Variants in NTRK2 observed in about 807,000 individuals in gnomAD.
NTRK2 encodes the protein neurotrophic receptor tyrosine kinase 2.
In NTRK2, 13 loss-of-function variants were observed where a neutral mutation model predicts 94.5. The ratio of observed to expected loss-of-function variants is 0.14; its 90% CI spans 0.09 to 0.22. NTRK2 has a LOEUF of 0.22. Among genes scored for constraint, NTRK2 ranks in the 10% least tolerant of loss-of-function variants. NTRK2 has a pLI of 1.00. For missense variants in NTRK2, 639 were observed against 1,071.2 expected, an observed-to-expected ratio of 0.60 and a Z score of 5.63; for synonymous variants, 372 against 407.4, an observed-to-expected ratio of 0.91 and a Z score of 1.05.
chr9:84,955,267 C>T lies in NTRK2; in HGVS notation c.1938-16C>T, dbSNP rs1459630917. 2 of 1,581,328 alleles carry T rather than the reference C, an allele frequency of 1.3e-6. No individual in the cohort carries two copies. The highest frequency in any genetic ancestry group is 8.6e-7 in the Non-Finnish European group (1 of 1,162,746). On this transcript the variant is annotated splice_polypyrimidine_tract_variant and intron_variant, in intron 16 of 18. Coordinates refer to ENST00000277120, the MANE Select transcript of NTRK2 (RefSeq NM_006180.6). ...ATGCTGAGGCCCCCAGCTTCATTCT[C>T]CATGTCCTTCCCCAGGGCACACGGC... is the stretch of plus-strand genomic sequence containing the variant.
In NTRK2 at chr9:85,024,499, T is replaced by C. The variant is rs1455481916; in HGVS notation, c.*3062T>C. 1 of 232,464 alleles carries C rather than the reference T, an allele frequency of 4.3e-6. No individual in the cohort carries two copies. The highest frequency in any genetic ancestry group is 8.5e-6 in the Non-Finnish European group (1 of 117,806). The allele number at this position is 232,464 out of a possible 1,614,324, so 14.4% of individuals were successfully genotyped here. On this transcript the variant is annotated 3_prime_UTR_variant, in exon 19 of 19. Transcript: ENST00000277120. The stretch of plus-strand genomic sequence containing the variant: ...TCCTATTTTGTGTAGATGAGGACGT[T>C]GAGACTCAGAGACATTCAGAGGCAC...
intron 12 of NTRK2, among the ~76,000 whole-genome samples, chr9:84,778,164 G>A (rs1001367302): frequency 6.6e-6 from 1 of 152,262 alleles, no homozygotes; most frequent in East Asian, 1.9e-4. Flanking sequence ...TTAGGGGACT[G>A]GGGTGAGAGA....
In NTRK2 at chr9:84,670,735, A is replaced by T; in HGVS notation, c.-14A>T. 1 of 1,611,350 alleles carries T rather than the reference A, an allele frequency of 6.2e-7. No homozygotes were observed. Among genetic ancestry groups the T allele is most frequent in the South Asian group, 1.1e-5 (1 of 90,998 alleles). On this transcript the variant is annotated 5_prime_UTR_variant, in exon 2 of 19. Coordinates refer to ENST00000277120, the MANE Select transcript of NTRK2 (RefSeq NM_006180.6). ...CGCGGGGACAGGCACTCGGGCTGGC[A>T]CTGGCTGCTAGGGATGTCGTCCTGG...
chr9:84,670,311 A>C, intron 1 of NTRK2, 66 bp from the exon 2 acceptor site: 1 of 283,608 alleles, frequency 3.5e-6, no homozygotes, highest in Non-Finnish European at 6.6e-6. Flanking sequence ...GCAGAGAGGG[A>C]GAGTGCCCCA....
chr9:85,004,054 AG>A, intron 17 of NTRK2, among the ~76,000 whole-genome samples: 1 of 64,240 alleles, frequency 1.6e-5, no homozygotes, highest in Admixed American at 1.5e-4. Context: ...AGGGAGAAAG[AG>A]AAAGAAAGGA....
chr9:84,900,659 T>C (rs905470659), intron 14 of NTRK2, among the ~76,000 whole-genome samples: 2 of 152,218 alleles, frequency 1.3e-5, no homozygotes, highest in African/African-American at 2.4e-5. Flanking sequence ...CTTGTGAGTC[T>C]AACTGTAAAT....
At chr9:84,692,505 TTG>T (rs1209187172) in intron 2 of NTRK2, among the ~76,000 whole-genome samples, 2 of 149,422 alleles carry the variant, frequency 1.3e-5, no homozygotes, top group East Asian at 3.9e-4. Context: ...GAGTCTCACT[TTG>T]CCTCCCAGGC....
At chr9:84,946,035 C>T (rs748204842) in intron 15 of NTRK2, among the ~76,000 whole-genome samples, 1 of 152,146 alleles carries the variant, frequency 6.6e-6, no homozygotes, top group African/African-American at 2.4e-5. Context: ...AGAGAAGCAC[C>T]GAGGCCGTGA....
intron 6 of NTRK2, among the ~76,000 whole-genome samples, chr9:84,722,542 G>A (rs1044188524): frequency 2.6e-5 from 4 of 152,110 alleles, no homozygotes; most frequent in Admixed American, 6.5e-5. Flanking sequence ...ATGTATCATA[G>A]TTCTTCAAGA....
intron 17 of NTRK2, among the ~76,000 whole-genome samples, chr9:84,963,395 G>C (rs1261730539): frequency 6.6e-6 from 1 of 152,184 alleles, no homozygotes; most frequent in Admixed American, 6.5e-5. Flanking sequence ...TATGCATCAT[G>C]ATAACATCTG....
At chr9:84,898,052 G>T (rs1564444676) in intron 14 of NTRK2, among the ~76,000 whole-genome samples, 1 of 149,236 alleles carries the variant, frequency 6.7e-6, no homozygotes, top group Non-Finnish European at 1.5e-5. Context: ...GGTCTTATCT[G>T]CCACTGTTTT....
At position 84,977,301 on chromosome 9, in the gene NTRK2, C is replaced by A. The variant is rs540960785; in HGVS notation, c.2172+21784C>A. 3.3e-5 allele frequency among the ~76,000 whole-genome samples: 5 copies of A among 152,344 alleles called. No homozygotes were observed. In the South Asian group the frequency reaches 8.3e-4, roughly 25 times the overall value. On this transcript the variant is annotated intron_variant, in intron 17 of 18. Transcript: ENST00000277120. ...TTTTCTCCATAAGGCACAGCACAGA[C>A]TTCTTGCTCTTAGGAACACGAGACA...
intron 14 of NTRK2, among the ~76,000 whole-genome samples, chr9:84,896,773 C>T (rs1254956918): frequency 6.6e-6 from 1 of 152,204 alleles, no homozygotes; most frequent in Non-Finnish European, 1.5e-5. Flanking sequence ...GTCAGGACAT[C>T]TCCACAAAAT....
chr9:84,797,395 G>A (rs1473426050), intron 12 of NTRK2, among the ~76,000 whole-genome samples: 1 of 149,682 alleles, frequency 6.7e-6, no homozygotes, highest in Non-Finnish European at 1.5e-5. Flanking sequence ...AAAAAGTTTG[G>A]TGATACCTGC....
rs78936193 is a variant in NTRK2 at position 84,670,779 on chromosome 9, G to T, written c.31G>T (p.Ala11Ser). The change falls in exon 2 of 19, where the codon GCC becomes TCC. Residue 11 changes from alanine to serine, a missense_variant. Physicochemically the swap from Ala to Ser is moderately conservative, Grantham distance 99 (BLOSUM62 1). Transcript: ENST00000277120. The part of the protein sequence containing the change: MSSWIRWHGP[A>S]MARLWGFCWL... Reference sequence around the variant, plus strand: ...GTCCTGGATAAGGTGGCATGGACCCGCCATGGCGCGGCTCTGGGGCTTCTG... The same window carrying T: ...GTCCTGGATAAGGTGGCATGGACCCTCCATGGCGCGGCTCTGGGGCTTCTG... The T allele has an allele frequency of 6.2e-5, 100 of 1,613,778 alleles. No individual in the cohort carries two copies. The African/African-American group carries it at 1.1e-3, about 18-fold the overall frequency.
Position 84,794,702 on chromosome 9 carries a change from G to C in NTRK2, c.1396+42617G>C, listed in dbSNP as rs781718089. 2.4e-4 allele frequency among the ~76,000 whole-genome samples: 37 copies of C among 152,238 alleles called. 1 individual carries two copies. The highest frequency in any genetic ancestry group is 4.9e-4 in the Non-Finnish European group (33 of 68,018). On this transcript the variant is annotated intron_variant, in intron 12 of 18. Coordinates refer to ENST00000277120, the MANE Select transcript of NTRK2 (RefSeq NM_006180.6). Reference sequence around the variant, plus strand: ...CAGAGCTTTATAATTATGGTAGAGGGGCATATAGTCAAAGGAGGGGAAATT... The same window carrying C: ...CAGAGCTTTATAATTATGGTAGAGGCGCATATAGTCAAAGGAGGGGAAATT...
intron 11 of NTRK2, among the ~76,000 whole-genome samples, chr9:84,748,697 G>A (rs2064312009): frequency 6.6e-6 from 1 of 152,178 alleles, no homozygotes; most frequent in Non-Finnish European, 1.5e-5. Flanking sequence ...ATCAAATGGA[G>A]TTTGACTTTG....
chr9:84,700,936 A>G (rs1420856961), intron 2 of NTRK2, among the ~76,000 whole-genome samples: 2 of 152,128 alleles, frequency 1.3e-5, no homozygotes, highest in Non-Finnish European at 2.9e-5. Flanking sequence ...CCATCCATCC[A>G]TCCATCCTTT....
chr9:84,812,680 T>C lies in NTRK2; in HGVS notation c.1397-48360T>C, dbSNP rs533846360. ...AGCCATTTGGTACAAAAAAGATTTT[T>C]AAAGCTTTTATGTTATACCATGGAG... On this transcript the variant is annotated intron_variant, in intron 12 of 18. Transcript: ENST00000277120. 6 of 1,043,352 alleles carry C rather than the reference T, an allele frequency of 5.8e-6. No homozygotes were observed. In the African/African-American group the frequency reaches 6.7e-5, roughly 12 times the overall value. 64.6% of individuals were successfully genotyped at this position (1,043,352 alleles called of 1,614,324 possible).
Sources: allele counts gnomAD v4.1 joint callset (sites outside exome capture counted in the v4.1 genomes callset), GRCh38; gene constraint gnomAD v4.1.1; transcripts MANE v1.5; gene names NCBI Gene and HGNC (gene_info 2026-07-23, HGNC 2026-07-21).